The following ST3GAL3 variants were observed in gnomAD, a reference collection of about 807,000 sequenced individuals.
ST3GAL3 encodes ST3 beta-galactoside alpha-2,3-sialyltransferase 3, also known as CMP-N-acetylneuraminate-beta-1,4-galactoside alpha-2,3-sialyltransferase.
A neutral mutation model predicts 50.1 loss-of-function variants in ST3GAL3; 21 were observed. The observed-to-expected ratio is 0.42, with a 90% CI of 0.30 to 0.60. The LOEUF (loss-of-function observed/expected upper bound fraction) is 0.60, where lower values mean the gene tolerates loss of function less well. ST3GAL3 is among the 20% of genes least tolerant of loss of function. The probability of loss-of-function intolerance (pLI) is 0.19; values close to 1 mark genes in which losing one functional copy is unlikely to be tolerated. For missense variants in ST3GAL3, 353 were observed against 489.4 expected (o/e 0.72, Z 2.63); for synonymous variants, 183 against 190.0 (o/e 0.96, Z 0.30).
At chr1:43,886,579 T>C (rs2076020820) in intron 5 of ST3GAL3, among the ~76,000 whole-genome samples, 1 of 152,102 alleles carries the variant, frequency 6.6e-6, no homozygotes, top group South Asian at 2.1e-4. Context: ...GGTTGGGAAA[T>C]AGAGCAGAGG....
chr1:43,851,752 C>T (rs2067347268), intron 5 of ST3GAL3: 4 of 905,018 alleles, frequency 4.4e-6, no homozygotes, highest in African/African-American at 1.7e-5. Context: ...TCCGAAGCTG[C>T]CGGAACACAG....
chr1:43,851,402 C>T (rs765825790), intron 5 of ST3GAL3: 25 of 1,610,404 alleles, frequency 1.6e-5, no homozygotes, highest in Non-Finnish European at 2.1e-5. Flanking sequence ...GGACGTTGAC[C>T]CCCCAGCACT....
At chr1:43,818,911 G>C (rs2061737001) in intron 4 of ST3GAL3, among the ~76,000 whole-genome samples, 1 of 152,118 alleles carries the variant, frequency 6.6e-6, no homozygotes, top group Non-Finnish European at 1.5e-5. Context: ...TTATAAAAGG[G>C]GTTGGCGAAC....
In ST3GAL3 at chr1:43,808,888, T is replaced by C. The variant is rs116292638; in HGVS notation, c.167-6003T>C. ...TGGGAATTGTGGGAAAACTGTATAA[T>C]GCATGGGGTATCTCATAGTGTACTC... On this transcript the variant is annotated intron_variant, in intron 3 of 11. Transcript: ENST00000347631. Among the ~76,000 whole-genome samples the C allele has an allele frequency of 9.7e-3, 1,481 of 152,324 alleles. 15 individuals carry two copies. The highest frequency in any genetic ancestry group is 0.016 in the Non-Finnish European group (1,087 of 68,026).
At chr1:43,736,853 TGTAGCCG>T in intron 2 of ST3GAL3, 5 of 254,168 alleles carry the variant, frequency 2.0e-5, no homozygotes, top group South Asian at 8.7e-5. Context: ...ACTGAATCTT[TGTAGCCG>T]TTGCTGCTAT....
rs200892055 is a variant in ST3GAL3, at chr1:43,875,950, CTTATTATTATTATTATTA to C, written c.303-18418_303-18401del. Reference sequence around the variant, plus strand: ...TCTTCTTCTTCTTCTTCTTCTTCTTCTTATTATTATTATTATTATTATTATTATTATTTTTGAGACAGG... The same window carrying C: ...TCTTCTTCTTCTTCTTCTTCTTCTTCTTATTATTATTATTTTTGAGACAGG... On this transcript the variant is annotated intron_variant, in intron 5 of 11. Coordinates refer to ENST00000347631, the MANE Select transcript of ST3GAL3 (RefSeq NM_006279.5). Among the ~76,000 whole-genome samples the C allele has an allele frequency of 8.5e-3, 630 of 74,028 alleles. 5 individuals are homozygous for C. Among genetic ancestry groups the C allele is most frequent in the Non-Finnish European group, 0.012 (413 of 33,516 alleles). The allele number at this position is 74,028 out of a possible 152,430, so 48.6% of individuals were successfully genotyped here. A position where few individuals can be genotyped will look rare whatever the true frequency, so the allele number is the denominator to read the frequency against.
At chr1:43,864,683 G>A (rs536493914) in intron 5 of ST3GAL3, among the ~76,000 whole-genome samples, 20 of 152,340 alleles carry the variant, frequency 1.3e-4, no homozygotes, top group African/African-American at 4.6e-4. Flanking sequence ...AGGGTTACAG[G>A]AGGTGGGACT....
At chr1:43,920,976 G>C (rs1292157321) in intron 11 of ST3GAL3, 48 bp downstream of exon 11, 3 of 1,557,520 alleles carry the variant, frequency 1.9e-6, no homozygotes, top group Non-Finnish European at 2.6e-6. Context: ...ATGAGGGGGA[G>C]GTGCATAAAT....
chr1:43,769,395 A>G (rs372879056), intron 2 of ST3GAL3, among the ~76,000 whole-genome samples: 2 of 152,178 alleles, frequency 1.3e-5, no homozygotes, highest in East Asian at 1.9e-4. Context: ...CTGAATGCCT[A>G]GCCTGGTGCA....
intron 2 of ST3GAL3, among the ~76,000 whole-genome samples, chr1:43,766,982 T>G (rs1234328510): frequency 2.0e-5 from 3 of 152,108 alleles, no homozygotes; most frequent in Non-Finnish European, 4.4e-5. Context: ...TGGGAGAGTC[T>G]TGTGTGGAAT....
intron 3 of ST3GAL3, among the ~76,000 whole-genome samples, chr1:43,814,324 T>C (rs533072605): frequency 7.2e-5 from 11 of 152,368 alleles, no homozygotes; most frequent in African/African-American, 2.4e-4. Context: ...TGCAAAGAAC[T>C]TAAATAAATT....
intron 9 of ST3GAL3, among the ~76,000 whole-genome samples, chr1:43,907,567 G>T (rs2080024340): frequency 6.6e-6 from 1 of 152,064 alleles, no homozygotes. Flanking sequence ...GAAAATAAAG[G>T]TTGTCACCAG....
At chr1:43,745,411 G>T (rs778186327) in intron 2 of ST3GAL3, among the ~76,000 whole-genome samples, 1 of 150,910 alleles carries the variant, frequency 6.6e-6, no homozygotes, top group African/African-American at 2.5e-5. Flanking sequence ...AATATGAAAT[G>T]TCAGATTTGA....
chr1:43,745,539 G>T (rs757421385), intron 2 of ST3GAL3, among the ~76,000 whole-genome samples: 13 of 152,194 alleles, frequency 8.5e-5, no homozygotes, highest in Non-Finnish European at 1.9e-4. Context: ...CTGCATAGCA[G>T]CATTTTGGTC....
intron 5 of ST3GAL3, among the ~76,000 whole-genome samples, chr1:43,883,591 C>T (rs1342935324): frequency 6.6e-6 from 1 of 152,242 alleles, no homozygotes; most frequent in African/African-American, 2.4e-5. Flanking sequence ...ATTTGCATCT[C>T]AGCTGCTTTG....
At chr1:43,748,442 T>G in intron 2 of ST3GAL3, among the ~76,000 whole-genome samples, 2 of 141,196 alleles carry the variant, frequency 1.4e-5, no homozygotes, top group South Asian at 2.3e-4. Flanking sequence ...TTTTTTTTTT[T>G]TTTTGAGCCA....
chr1:43,857,701 C>T (rs867231239), intron 5 of ST3GAL3, among the ~76,000 whole-genome samples: 1 of 151,412 alleles, frequency 6.6e-6, no homozygotes. Flanking sequence ...CTGCAACCTC[C>T]ACCTCCCAGG....
At chr1:43,763,751 T>C (rs1277713133) in intron 2 of ST3GAL3, among the ~76,000 whole-genome samples, 3 of 152,188 alleles carry the variant, frequency 2.0e-5, no homozygotes, top group Admixed American at 2.0e-4. Context: ...GGCCAGTGTC[T>C]AAGCCATCAG....
At chr1:43,801,268 C>T in intron 3 of ST3GAL3, 1 of 456,276 alleles carries the variant, frequency 2.2e-6, no homozygotes, top group Non-Finnish European at 4.4e-6. Context: ...TAATAAGCAT[C>T]TTCTTTGTGC....
Sources: gnomAD v4.1 joint callset for allele counts (sites outside exome capture counted in the v4.1 genomes callset) on GRCh38, gnomAD v4.1.1 for gene constraint, MANE v1.5 for transcripts, NCBI Gene and HGNC (gene_info 2026-07-23, HGNC 2026-07-21) for gene names.